ESRRG: variants seen among roughly 807,000 people sequenced by gnomAD.
ESRRG encodes estrogen related receptor gamma.
A neutral mutation model predicts 44.0 loss-of-function variants in ESRRG; 13 were observed. The observed-to-expected ratio is 0.30, with a 90% CI of 0.19 to 0.47. The LOEUF (loss-of-function observed/expected upper bound fraction) is 0.47, where lower values mean the gene tolerates loss of function less well. Ranked by LOEUF, ESRRG falls within the 20% of genes least tolerant of loss-of-function variation. The pLI is 1.00. For missense variants in ESRRG, 395 were observed against 580.6 expected (o/e 0.68, Z 3.29); for synonymous variants, 215 against 214.6 (o/e 1.00, Z -0.02).
chr1:216,569,605 A>G (rs538303288), intron 3 of ESRRG, among the ~76,000 whole-genome samples: 1 of 152,190 alleles, frequency 6.6e-6, no homozygotes, highest in Non-Finnish European at 1.5e-5. Context: ...TTAGCACAGG[A>G]CCATATAAGT....
At chr1:217,046,420 C>T (rs750402456) in intron 1 of ESRRG, among the ~76,000 whole-genome samples, 1 of 152,172 alleles carries the variant, frequency 6.6e-6, no homozygotes, top group Non-Finnish European at 1.5e-5. Flanking sequence ...GCCTAAAACC[C>T]TTTGATGGCT....
intron 1 of ESRRG, among the ~76,000 whole-genome samples, chr1:217,061,438 C>A (rs967013517): frequency 6.6e-6 from 1 of 152,114 alleles, no homozygotes; most frequent in African/African-American, 2.4e-5. Flanking sequence ...TTGCCTAGGA[C>A]TGCTTTCACG....
At position 216,969,494 on chromosome 1, in the gene ESRRG, T is replaced by A. The variant is rs542140811; in HGVS notation, c.-105-29821A>T. Among the ~76,000 whole-genome samples, 3 of 152,310 alleles carry A rather than the reference T, an allele frequency of 2.0e-5. No individual in the cohort carries two copies. The East Asian group carries it at 5.8e-4, about 29-fold the overall frequency. ...CACAACCCATGATCTAACATAATTA[T>A]AAGTTTACCTTCAGTACTTAGTAAA... On this transcript the variant is annotated intron_variant, in intron 1 of 7. Transcript: ENST00000359162.
At chr1:216,524,012 G>A (rs925917941) in intron 5 of ESRRG, among the ~76,000 whole-genome samples, 2 of 151,824 alleles carry the variant, frequency 1.3e-5, no homozygotes, top group Non-Finnish European at 2.9e-5. Context: ...TAAACCTAAT[G>A]TTTACAGGAC....
At chr1:216,704,756 TGGA>T (rs573997140) in intron 1 of ESRRG, among the ~76,000 whole-genome samples, 20 of 151,966 alleles carry the variant, frequency 1.3e-4, no homozygotes, top group African/African-American at 3.1e-4. Flanking sequence ...ATGTAAAAAT[TGGA>T]GGAGTAGATT....
intron 6 of ESRRG, among the ~76,000 whole-genome samples, chr1:216,510,849 G>A (rs1428755499): frequency 6.6e-6 from 1 of 152,094 alleles, no homozygotes; most frequent in East Asian, 1.9e-4. Flanking sequence ...ACTCCAGCCT[G>A]GGCGACAGAG....
chr1:216,639,305 G>T (rs1360807495), intron 3 of ESRRG, among the ~76,000 whole-genome samples: 1 of 152,160 alleles, frequency 6.6e-6, no homozygotes, highest in Non-Finnish European at 1.5e-5. Flanking sequence ...GGTGGAGAGG[G>T]TGAAGGGAGA....
At position 216,608,541 on chromosome 1, in the gene ESRRG, T is replaced by G. The variant is rs534514049; in HGVS notation, c.590-40443A>C. The stretch of plus-strand genomic sequence containing the variant: ...CCTTCCTGGAGCTCCTGGAGTTCAA[T>G]TCACAGAAATGATAGGACTGGACAA... On this transcript the variant is annotated intron_variant, in intron 3 of 6. Coordinates refer to ENST00000408911, the MANE Select transcript of ESRRG (RefSeq NM_001438.4). 3.3e-5 allele frequency among the ~76,000 whole-genome samples: 5 copies of G among 152,268 alleles called. 1 individual carries two copies. The South Asian group carries it at 8.3e-4, about 25-fold the overall frequency.
intron 1 of ESRRG, among the ~76,000 whole-genome samples, chr1:217,131,114 A>G (rs1023472183): frequency 1.3e-5 from 2 of 152,234 alleles, no homozygotes; most frequent in Non-Finnish European, 2.9e-5. Context: ...CTGAAGAAGT[A>G]TGCTAAAGTT....
At chr1:216,576,039 G>A (rs2096949246) in intron 3 of ESRRG, among the ~76,000 whole-genome samples, 2 of 151,996 alleles carry the variant, frequency 1.3e-5, no homozygotes, top group Non-Finnish European at 1.5e-5. Context: ...CAGAGACTGA[G>A]GGATATTAAT....
At chr1:216,663,359 T>C (rs1025866581) in intron 2 of ESRRG, among the ~76,000 whole-genome samples, 3 of 152,142 alleles carry the variant, frequency 2.0e-5, no homozygotes, top group African/African-American at 7.2e-5. Flanking sequence ...CTGTAAATAG[T>C]ATGCACTGAA....
intron 2 of ESRRG, among the ~76,000 whole-genome samples, chr1:216,921,148 C>T (rs569316376): frequency 6.6e-6 from 1 of 152,096 alleles, no homozygotes; most frequent in Non-Finnish European, 1.5e-5. Context: ...ATAAAGTTGG[C>T]AAGATTTTTT....
At chr1:217,049,199 T>C (rs1362689055) in intron 1 of ESRRG, among the ~76,000 whole-genome samples, 1 of 152,202 alleles carries the variant, frequency 6.6e-6, no homozygotes, top group Non-Finnish European at 1.5e-5. Context: ...GATAAGCCTT[T>C]CCTGACCAGG....
chr1:216,608,204 C>T (rs1391159836), intron 3 of ESRRG, among the ~76,000 whole-genome samples: 1 of 152,078 alleles, frequency 6.6e-6, no homozygotes, highest in Non-Finnish European at 1.5e-5. Context: ...AATTTAGAAA[C>T]CCAATAAAGC....
chr1:216,612,855 C>T (rs1035181253), intron 3 of ESRRG, among the ~76,000 whole-genome samples: 1 of 152,216 alleles, frequency 6.6e-6, no homozygotes, highest in Non-Finnish European at 1.5e-5. Context: ...TATGCAAATA[C>T]TGCTTACAAA....
chr1:216,578,880 TAC>T (rs1469823526), intron 3 of ESRRG, among the ~76,000 whole-genome samples: 3 of 152,148 alleles, frequency 2.0e-5, no homozygotes, highest in Non-Finnish European at 4.4e-5. Context: ...AGCCAATTAA[TAC>T]ACAGTTTTTC....
chr1:217,124,932 G>A (rs1221597562), intron 1 of ESRRG, among the ~76,000 whole-genome samples: 1 of 152,068 alleles, frequency 6.6e-6, no homozygotes, highest in Non-Finnish European at 1.5e-5. Flanking sequence ...CACACCAAAT[G>A]GTCTAAAATG....
Position 216,651,856 on chromosome 1 carries a change from A to C in ESRRG, c.473-767T>G, listed in dbSNP as rs146283706. On this transcript the variant is annotated intron_variant, in intron 2 of 6. Coordinates refer to ENST00000408911, the MANE Select transcript of ESRRG (RefSeq NM_001438.4). ...CTTTGTATCATTTATGGTAGTACCT[A>C]CATATTTAAAATGGCAACTAAGAAA... is the stretch of plus-strand genomic sequence containing the variant. Among the ~76,000 whole-genome samples the C allele has an allele frequency of 2.0e-4, 31 of 152,322 alleles. No homozygotes were observed. In the East Asian group the frequency reaches 6.0e-3, roughly 29 times the overall value.
chr1:216,739,189 CCT>C (rs1352670705), intron 2 of ESRRG, among the ~76,000 whole-genome samples: 4 of 151,618 alleles, frequency 2.6e-5, no homozygotes, highest in Non-Finnish European at 5.9e-5. Flanking sequence ...AAAACTGCAT[CCT>C]GTTTATCTTT....
Sources: allele counts gnomAD v4.1 joint callset (sites outside exome capture counted in the v4.1 genomes callset), GRCh38; gene constraint gnomAD v4.1.1; transcripts MANE v1.5; gene names NCBI Gene and HGNC (gene_info 2026-07-23, HGNC 2026-07-21).